The following TUSC3 variants were observed in gnomAD, a reference collection of about 807,000 sequenced individuals.
The protein encoded by TUSC3 is tumor suppressor candidate 3, also known as dolichyl-diphosphooligosaccharide--protein glycosyltransferase subunit TUSC3.
In TUSC3, 45 loss-of-function variants were observed where a neutral mutation model predicts 44.8. The observed-to-expected ratio is 1.00, with a 90% CI of 0.79 to 1.29. TUSC3 has a LOEUF of 1.29. Ranked by LOEUF, TUSC3 falls within the 50% of genes most tolerant of loss-of-function variation. TUSC3 has a pLI of 0.00. For synonymous variants in TUSC3, 212 were observed against 152.9 expected, an observed-to-expected ratio of 1.39 and a Z score of -2.85; for missense variants, 519 against 437.9, an observed-to-expected ratio of 1.19 and a Z score of -1.65.
intron 1 of TUSC3, among the ~76,000 whole-genome samples, chr8:15,613,714 A>G (rs1251006133): frequency 6.6e-6 from 1 of 152,226 alleles, no homozygotes. Context: ...ACAAATACAT[A>G]TAGCATTATC....
At chr8:15,609,096 G>T (rs1051084068) in intron 1 of TUSC3, among the ~76,000 whole-genome samples, 4 of 152,140 alleles carry the variant, frequency 2.6e-5, no homozygotes, top group Non-Finnish European at 5.9e-5. Flanking sequence ...CGATGTAAGC[G>T]TTACATATTT....
chr8:15,658,206 A>C (rs1807259682), intron 3 of TUSC3, among the ~76,000 whole-genome samples: 1 of 152,206 alleles, frequency 6.6e-6, no homozygotes, highest in African/African-American at 2.4e-5. Context: ...ACATGGAGGT[A>C]AATAATGGAA....
chr8:15,687,629 C>T (rs1001663714), intron 6 of TUSC3, among the ~76,000 whole-genome samples: 1 of 152,090 alleles, frequency 6.6e-6, no homozygotes, highest in African/African-American at 2.4e-5. Flanking sequence ...GATTGCCAGC[C>T]CAGACTGCTC....
intron 1 of TUSC3, among the ~76,000 whole-genome samples, chr8:15,607,431 C>G (rs993921916): frequency 1.4e-4 from 22 of 152,026 alleles, no homozygotes; most frequent in African/African-American, 5.3e-4. Flanking sequence ...AGTTTACATA[C>G]ATTTGTAAAA....
chr8:15,723,652 G>T lies in TUSC3; in HGVS notation c.799-7014G>T, dbSNP rs73665488. Among the ~76,000 whole-genome samples, 678 of 152,190 alleles carry T rather than the reference G, an allele frequency of 4.5e-3. 4 individuals are homozygous for T. The highest frequency in any genetic ancestry group is 0.016 in the African/African-American group (653 of 41,550). ...GCCTCAAAGAAGGCCCCAAGGATAG[G>T]ACTACAAACATGTAACTAGTAGGAA... On this transcript the variant is annotated intron_variant, in intron 6 of 10. Coordinates refer to ENST00000503731, the MANE Select transcript of TUSC3 (RefSeq NM_006765.4).
At chr8:15,788,162 A>C in the TUSC3 span, among the ~76,000 whole-genome samples, 1 of 152,222 alleles carries the variant, frequency 6.6e-6, no homozygotes, top group African/African-American at 2.4e-5. Flanking sequence ...GAAAATTCTT[A>C]CTTGAAAAAC....
At chr8:15,516,757 T>C (rs1801221214) in intron 2 of TUSC3, among the ~76,000 whole-genome samples, 1 of 152,284 alleles carries the variant, frequency 6.6e-6, no homozygotes, top group Non-Finnish European at 1.5e-5. Flanking sequence ...GTAATGTTTG[T>C]TGAAGAATAA....
intron 1 of TUSC3, among the ~76,000 whole-genome samples, chr8:15,573,230 A>ATATATATATATATATAT (rs1491232177): frequency 3.0e-4 from 32 of 106,096 alleles, no homozygotes; most frequent in African/African-American, 1.2e-3. Flanking sequence ...ATATATATAT[A>ATATATATATATATATAT]AAAGTTTTTT....
At chr8:15,778,836 T>C in the TUSC3 span, among the ~76,000 whole-genome samples, 2 of 152,198 alleles carry the variant, frequency 1.3e-5, no homozygotes, top group African/African-American at 2.4e-5. Context: ...AGAAACTCTT[T>C]ATGCAAATCA....
intron 6 of TUSC3, among the ~76,000 whole-genome samples, chr8:15,716,331 G>T (rs1585260662): frequency 6.6e-6 from 1 of 151,774 alleles, no homozygotes; most frequent in East Asian, 1.9e-4. Context: ...TTCTGATTAA[G>T]GACAAATCTG....
rs74898868 is a variant in TUSC3, at chr8:15,516,491, T to C, written n.189+33008T>C. On this transcript the variant is annotated intron_variant and non_coding_transcript_variant, in intron 2 of 5. Coordinates refer to the TUSC3 transcript ENST00000503191. ...AGGTTCTTGATGCTATGGCAGGTGA[T>C]ATTTTTCCCCCTGAAAATGGTGCAG... 5.5e-3 allele frequency among the ~76,000 whole-genome samples: 843 copies of C among 152,334 alleles called. 7 individuals are homozygous for C. Among genetic ancestry groups the C allele is most frequent in the African/African-American group, 0.019 (787 of 41,574 alleles).
At chr8:15,806,721 C>T in the TUSC3 span, 1 of 823,988 alleles carries the variant, frequency 1.2e-6, no homozygotes, top group Non-Finnish European at 2.1e-6. Context: ...GCTTTGGATA[C>T]AGCCAGAGAG....
intron 1 of TUSC3, among the ~76,000 whole-genome samples, chr8:15,576,532 G>A (rs76507046): frequency 1.5e-5 from 2 of 137,736 alleles, no homozygotes; most frequent in African/African-American, 5.5e-5. Context: ...TCATTGTTCA[G>A]TCCCCACCTA....
chr8:15,507,509 A>C (rs184866698), intron 2 of TUSC3, among the ~76,000 whole-genome samples: 8 of 152,286 alleles, frequency 5.3e-5, no homozygotes, highest in African/African-American at 1.9e-4. Flanking sequence ...ATTCTAGCTA[A>C]TTTCTATAAT....
chr8:15,543,145 G>T (rs1801745762), intron 1 of TUSC3, among the ~76,000 whole-genome samples: 1 of 152,172 alleles, frequency 6.6e-6, no homozygotes, highest in Non-Finnish European at 1.5e-5. Context: ...GTCTCTTTCT[G>T]TCTAGCTGAC....
At chr8:15,518,794 T>C (rs1159247840) in intron 2 of TUSC3, among the ~76,000 whole-genome samples, 1 of 152,164 alleles carries the variant, frequency 6.6e-6, no homozygotes, top group Non-Finnish European at 1.5e-5. Flanking sequence ...ATAATCCCTC[T>C]TGTTTTTATA....
At chr8:15,457,374 G>A (rs1189933252) in intron 1 of TUSC3, among the ~76,000 whole-genome samples, 1 of 151,600 alleles carries the variant, frequency 6.6e-6, no homozygotes, top group Non-Finnish European at 1.5e-5. Context: ...CTTTTCTGAA[G>A]AGAAAAACAT....
chr8:15,796,974 C>T, the TUSC3 span, among the ~76,000 whole-genome samples: 1 of 152,166 alleles, frequency 6.6e-6, no homozygotes, highest in Non-Finnish European at 1.5e-5. Context: ...CTACTTGGAG[C>T]CTCTGGTAGA....
At chr8:15,549,109 A>G (rs1942483956) in intron 1 of TUSC3, among the ~76,000 whole-genome samples, 1 of 151,904 alleles carries the variant, frequency 6.6e-6, no homozygotes, top group African/African-American at 2.4e-5. Flanking sequence ...AGAATAATTT[A>G]TACCTCAGGT....
Sources: allele counts gnomAD v4.1 joint callset (sites outside exome capture counted in the v4.1 genomes callset), GRCh38; gene constraint gnomAD v4.1.1; transcripts MANE v1.5; gene names NCBI Gene and HGNC (gene_info 2026-07-23, HGNC 2026-07-21).